RGS7: variants seen among roughly 807,000 people sequenced by gnomAD.
The protein encoded by RGS7 is regulator of G protein signaling 7.
In RGS7, 27 loss-of-function variants were observed where a neutral mutation model predicts 81.1. That is an observed-to-expected ratio of 0.33 (90% CI 0.25 to 0.46). The LOEUF is 0.46. RGS7 is among the 20% of genes least tolerant of loss of function. RGS7 has a pLI of 1.00. For missense variants in RGS7, 396 were observed against 607.4 expected, an observed-to-expected ratio of 0.65 and a Z score of 3.66; for synonymous variants, 208 against 207.7, an observed-to-expected ratio of 1.00 and a Z score of -0.01.
chr1:241,081,604 T>C (rs79570853), intron 3 of RGS7, among the ~76,000 whole-genome samples: 8,647 of 152,322 alleles, frequency 0.057, 374 homozygotes, highest in Non-Finnish European at 0.085. Context: ...TATTTCTTCA[T>C]AGACTCTTGG....
At chr1:241,245,793 C>T (rs1230724353) in intron 2 of RGS7, among the ~76,000 whole-genome samples, 12 of 148,924 alleles carry the variant, frequency 8.1e-5, no homozygotes, top group East Asian at 4.0e-4. Context: ...GGCAACACAG[C>T]GAGACTCCAC....
chr1:240,792,233 A>G (rs1686126449), intron 18 of RGS7, among the ~76,000 whole-genome samples: 1 of 152,208 alleles, frequency 6.6e-6, no homozygotes, highest in South Asian at 2.1e-4. Flanking sequence ...ACTTGGTTCA[A>G]AAATGTTCTA....
intron 3 of RGS7, among the ~76,000 whole-genome samples, chr1:241,054,532 A>C (rs1026908090): frequency 3.9e-5 from 6 of 152,156 alleles, no homozygotes; most frequent in African/African-American, 1.4e-4. Context: ...CTCCCATTTG[A>C]GCACCTGATA....
At chr1:240,791,444 T>C (rs990400202) in intron 18 of RGS7, among the ~76,000 whole-genome samples, 3 of 152,242 alleles carry the variant, frequency 2.0e-5, no homozygotes, top group Admixed American at 1.3e-4. Flanking sequence ...TATAGATGGA[T>C]GCAATTTAGA....
At chr1:241,354,469 C>T (rs986243325) in intron 2 of RGS7, among the ~76,000 whole-genome samples, 9 of 152,194 alleles carry the variant, frequency 5.9e-5, no homozygotes, top group African/African-American at 2.2e-4. Flanking sequence ...CAGTATAGTA[C>T]TGTTCGCCCA....
intron 18 of RGS7, among the ~76,000 whole-genome samples, chr1:240,790,934 T>G (rs1044480062): frequency 6.6e-6 from 1 of 152,234 alleles, no homozygotes; most frequent in Admixed American, 6.5e-5. Flanking sequence ...AATATATTCT[T>G]GTTAGATATT....
At chr1:240,783,594 G>A (rs1219675630) in intron 18 of RGS7, among the ~76,000 whole-genome samples, 3 of 151,882 alleles carry the variant, frequency 2.0e-5, no homozygotes, top group African/African-American at 4.8e-5. Context: ...CTGCACTCCA[G>A]TCTGGGTGAC....
intron 2 of RGS7, 111 bp from the exon 3 acceptor site, chr1:241,098,873 G>A (rs780877685): frequency 3.9e-4 from 293 of 744,668 alleles, no homozygotes; most frequent in Admixed American, 6.2e-4. Context: ...GAACAATGCC[G>A]TATTCTTGCC....
At chr1:241,043,426 C>T (rs1363889868) in intron 3 of RGS7, among the ~76,000 whole-genome samples, 7 of 151,026 alleles carry the variant, frequency 4.6e-5, no homozygotes, top group Admixed American at 3.3e-4. Flanking sequence ...TTGTTATTTG[C>T]ATTTTTCGTT....
At chr1:241,306,421 CCATA>C (rs1489955387) in intron 2 of RGS7, among the ~76,000 whole-genome samples, 5 of 148,560 alleles carry the variant, frequency 3.4e-5, no homozygotes, top group Non-Finnish European at 6.0e-5. Context: ...GCACACACGT[CCATA>C]CACCCTTTAC....
At chr1:241,151,618 G>A (rs988174141) in intron 2 of RGS7, among the ~76,000 whole-genome samples, 1 of 137,784 alleles carries the variant, frequency 7.3e-6, no homozygotes, top group Admixed American at 7.7e-5. Flanking sequence ...TGTGCAGAAC[G>A]TGCAGTTTTG....
intron 3 of RGS7, among the ~76,000 whole-genome samples, chr1:241,011,647 G>A (rs1204844957): frequency 6.6e-6 from 1 of 152,108 alleles, no homozygotes; most frequent in Admixed American, 6.6e-5. Flanking sequence ...CTAGCCTCTA[G>A]GTGCTTACTG....
rs778681154 is a variant in RGS7 at position 240,814,672 on chromosome 1, C to CATATG, written c.845+39_845+43dup. 94 of 1,172,794 alleles carry CATATG rather than the reference C, an allele frequency of 8.0e-5. No homozygotes were observed. In the African/African-American group the frequency reaches 1.3e-3, roughly 16 times the overall value. The allele number at this position is 1,172,794 out of a possible 1,614,324, so 72.6% of individuals were successfully genotyped here. On this transcript the variant is annotated intron_variant, in intron 12 of 18. Coordinates refer to ENST00000440928, the MANE Select transcript of RGS7 (RefSeq NM_001364886.1). ...TTCATTTTTAAACACATGTAATTGT[C>CATATG]ATATGAAATTTTAAAATTTATACAG...
rs59722851 is a variant in RGS7, at chr1:241,188,285, T to TCACACACA, written c.79-89531_79-89524dup. Among the ~76,000 whole-genome samples the TCACACACA allele has an allele frequency of 1.7e-4, 25 of 148,156 alleles. No homozygotes were observed. The South Asian group carries it at 1.7e-3, about 10-fold the overall frequency. On this transcript the variant is annotated intron_variant, in intron 2 of 18. Transcript: ENST00000440928. ...CTATTATAGTCCTTTTCTTTTATCC[T>TCACACACA]CACACACACACACACACACACACAC...
At chr1:240,820,431 TAGAAG>T (rs1691561460) in intron 10 of RGS7, among the ~76,000 whole-genome samples, 1 of 152,150 alleles carries the variant, frequency 6.6e-6, no homozygotes, top group Non-Finnish European at 1.5e-5. Flanking sequence ...CTTGACATTT[TAGAAG>T]AGAACTAGAA....
intron 2 of RGS7, among the ~76,000 whole-genome samples, chr1:241,256,089 T>C (rs1178980071): frequency 1.3e-5 from 2 of 152,168 alleles, no homozygotes; most frequent in African/African-American, 4.8e-5. Context: ...AGTTAACTAA[T>C]TGGGAATCCC....
At chr1:240,901,013 C>T in intron 6 of RGS7, among the ~76,000 whole-genome samples, 1 of 152,202 alleles carries the variant, frequency 6.6e-6, no homozygotes, top group East Asian at 1.9e-4. Flanking sequence ...CTCCCCCAGC[C>T]TCGCTGCTGC....
intron 2 of RGS7, among the ~76,000 whole-genome samples, chr1:241,299,419 A>AAAT (rs1018432506): frequency 2.1e-4 from 32 of 152,136 alleles, no homozygotes; most frequent in Admixed American, 2.0e-3. Flanking sequence ...AGAAGTAAAA[A>AAAT]AATGTTTTGA....
intron 2 of RGS7, among the ~76,000 whole-genome samples, chr1:241,304,025 C>T (rs1438482333): frequency 6.6e-6 from 1 of 152,166 alleles, no homozygotes; most frequent in African/African-American, 2.4e-5. Flanking sequence ...ATCACTTATT[C>T]TTCATTTACT....
Sources: allele counts gnomAD v4.1 joint callset (sites outside exome capture counted in the v4.1 genomes callset), GRCh38; gene constraint gnomAD v4.1.1; transcripts MANE v1.5; gene names NCBI Gene and HGNC (gene_info 2026-07-23, HGNC 2026-07-21).